PLRG1: variants seen among roughly 807,000 people sequenced by gnomAD.
PLRG1 encodes the protein pleiotropic regulator 1 (PRL1 homolog, Arabidopsis).
In PLRG1, 28 loss-of-function variants were observed where a neutral mutation model predicts 74.9. The ratio of observed to expected loss-of-function variants is 0.37; its 90% CI spans 0.28 to 0.51. The LOEUF (loss-of-function observed/expected upper bound fraction) is 0.51, where lower values mean the gene tolerates loss of function less well. Among genes scored for constraint, PLRG1 ranks in the 20% least tolerant of loss-of-function variants. The probability of loss-of-function intolerance (pLI) is 0.91; values close to 1 mark genes in which losing one functional copy is unlikely to be tolerated. For missense variants in PLRG1, 445 were observed against 631.9 expected (o/e 0.70, Z 3.17); for synonymous variants, 197 against 212.4 (o/e 0.93, Z 0.63).
In PLRG1 at chr4:154,537,491, A is replaced by C; in HGVS notation, c.1292-12T>G. 7.5e-6 allele frequency: 12 copies of C among 1,603,832 alleles called. No homozygotes were observed. Among genetic ancestry groups the C allele is most frequent in the Non-Finnish European group, 1.0e-5 (12 of 1,171,388 alleles). Reference sequence around the variant, plus strand: ...GGTGCCATTGTCAGCTTAAAGGGAAAAATCTAGTTACACCTGGTATCCCCT... The same window carrying C: ...GGTGCCATTGTCAGCTTAAAGGGAACAATCTAGTTACACCTGGTATCCCCT... On this transcript the variant is annotated splice_polypyrimidine_tract_variant and intron_variant, in intron 13 of 14. Transcript: ENST00000499023.
At chr4:154,542,547 G>T (rs1019250707) in intron 7 of PLRG1, among the ~76,000 whole-genome samples, 1 of 152,128 alleles carries the variant, frequency 6.6e-6, no homozygotes, top group African/African-American at 2.4e-5. Flanking sequence ...GTATTAAGCT[G>T]TGTGAAGGAA....
Position 154,540,712 on chromosome 4 carries a change from A to C in PLRG1, c.838-17T>G, listed in dbSNP as rs370304925. ...CCGTATAACCTAAAGACAAAGCAGGAAAGTTAAAACTTCTAGAATTAGAAA... is the reference window on the plus strand; with the variant it reads ...CCGTATAACCTAAAGACAAAGCAGGCAAGTTAAAACTTCTAGAATTAGAAA... On this transcript the variant is annotated splice_polypyrimidine_tract_variant and intron_variant, in intron 9 of 14. Coordinates refer to ENST00000499023, the MANE Select transcript of PLRG1 (RefSeq NM_002669.4). 17 of 1,610,832 alleles carry C rather than the reference A, an allele frequency of 1.1e-5. No homozygotes were observed. In the African/African-American group the frequency reaches 1.9e-4, roughly 18 times the overall value.
Position 154,536,659 on chromosome 4 carries a change from AAG to A in PLRG1, c.*24_*25del, listed in dbSNP as rs752054864. On this transcript the variant is annotated 3_prime_UTR_variant, in exon 15 of 15. Transcript: ENST00000499023. ...TTTTTTTTAATTAAAAAGAAAAAAA[AAG>A]AGAGAGAAAAAATTCCACATTCATT... The A allele has an allele frequency of 3.2e-6, 4 of 1,267,236 alleles. No homozygotes were observed. The highest frequency in any genetic ancestry group is 3.0e-5 in the African/African-American group (2 of 66,350). The allele number at this position is 1,267,236 out of a possible 1,614,324, so 78.5% of individuals were successfully genotyped here.
At chr4:154,537,012 C>T (rs772035904) in intron 14 of PLRG1, among the ~76,000 whole-genome samples, 2 of 151,946 alleles carry the variant, frequency 1.3e-5, no homozygotes, top group Non-Finnish European at 2.9e-5. Context: ...TTATGATTCT[C>T]GAATTAATTT....
intron 11 of PLRG1, among the ~76,000 whole-genome samples, 177 bp downstream of exon 11, chr4:154,539,772 TAA>T (rs1308914949): frequency 6.6e-6 from 1 of 152,082 alleles, no homozygotes; most frequent in Non-Finnish European, 1.5e-5. Flanking sequence ...AAGCATGAGG[TAA>T]AAACAGTGGA....
Position 154,550,184 on chromosome 4 carries a change from C to T in PLRG1, c.9+116G>A, listed in dbSNP as rs1241243280. ...AGACCACTCGGCCTTGGCCAAATAG[C>T]TCCCCTCGTAGCCTCTTTTCTCTCT... On this transcript the variant is annotated intron_variant, in intron 1 of 14. Coordinates refer to ENST00000499023, the MANE Select transcript of PLRG1 (RefSeq NM_002669.4). 4.0e-6 allele frequency: 4 copies of T among 989,588 alleles called. No individual in the cohort carries two copies. The African/African-American group carries it at 6.4e-5, about 16-fold the overall frequency. 61.3% of individuals were successfully genotyped at this position (989,588 alleles called of 1,614,324 possible). A position where few individuals can be genotyped will look rare whatever the true frequency, so the allele number is the denominator to read the frequency against.
chr4:154,537,978 C>T lies in PLRG1; in HGVS notation c.1282G>A (p.Val428Ile). 6.7e-7 allele frequency: 1 copy of T among 1,487,918 alleles called. No homozygotes were observed. The highest frequency in any genetic ancestry group is 9.1e-7 in the Non-Finnish European group (1 of 1,100,572). The allele number at this position is 1,487,918 out of a possible 1,614,324, so 92.2% of individuals were successfully genotyped here. A position where few individuals can be genotyped will look rare whatever the true frequency, so the allele number is the denominator to read the frequency against. ...AAAAATCTTATTTTACCTCCAGATA[C>T]AAGCACTCCATCAGAATTTACCGTC... ...TLTVNSDGVL[V>I]SGADNGTMHL... Residue 428 changes from valine to isoleucine, a missense_variant, in exon 13 of 15, where the codon GTA becomes ATA. Physicochemically the swap from Val to Ile is conservative, Grantham distance 29 (BLOSUM62 3). Around this residue, in one of 3 missense-constraint regions of PLRG1, gnomAD observed 221 missense variants for 377.7 expected, o/e 0.59. Coordinates refer to ENST00000499023, the MANE Select transcript of PLRG1 (RefSeq NM_002669.4).
chr4:154,539,374 TA>T (rs1193707548), intron 11 of PLRG1, among the ~76,000 whole-genome samples, 161 bp from the exon 12 acceptor site: 2 of 152,156 alleles, frequency 1.3e-5, no homozygotes, highest in African/African-American at 4.8e-5. Flanking sequence ...TCCAAATTTT[TA>T]GGTTGATTTT....
intron 1 of PLRG1, chr4:154,549,270 CAG>C: frequency 2.8e-6 from 1 of 362,386 alleles, no homozygotes; most frequent in South Asian, 2.1e-5. Flanking sequence ...CAAGAGGAAA[CAG>C]ACAAATAAAA....
chr4:154,538,402 T>G (rs1729493630), intron 12 of PLRG1, among the ~76,000 whole-genome samples: 2 of 151,902 alleles, frequency 1.3e-5, no homozygotes, highest in African/African-American at 4.8e-5. Flanking sequence ...CTATTTCACA[T>G]GAAGGGCAAT....
chr4:154,538,478 T>C (rs547128241), intron 12 of PLRG1, among the ~76,000 whole-genome samples: 13 of 150,608 alleles, frequency 8.6e-5, no homozygotes, highest in Non-Finnish European at 1.5e-4. Flanking sequence ...AGAAAAGGAA[T>C]AGAGGGCAAG....
In PLRG1 at chr4:154,536,522, GAC is replaced by G. The variant is rs1362551102; in HGVS notation, c.*161_*162del. On this transcript the variant is annotated 3_prime_UTR_variant, in exon 15 of 15. Coordinates refer to ENST00000499023, the MANE Select transcript of PLRG1 (RefSeq NM_002669.4). ...AAAAACACAGGGGTAGGGGACAGGG[GAC>G]AGTTTATTGTAAAATATGAAGCAGC... The G allele has an allele frequency of 1.6e-6, 1 of 617,116 alleles. No homozygotes were observed. Among genetic ancestry groups the G allele is most frequent in the Non-Finnish European group, 2.9e-6 (1 of 348,778 alleles). The allele number at this position is 617,116 out of a possible 1,614,324, so 38.2% of individuals were successfully genotyped here.
In PLRG1 at chr4:154,538,054, A is replaced by G. The variant is rs1471131794; in HGVS notation, c.1206T>C (p.Asp402=). ...PDNIKQWKFP[D]GSFIQNLSGH... ...CGGAAAGATTTTGAATGAAACTTCC[A>G]TCAGGGAATTTCCACTGCTTTATGT... is the stretch of plus-strand genomic sequence containing the variant. The change falls in exon 13 of 15, where the codon GAT becomes GAC. Residue 402 remains aspartate (D), a synonymous_variant. Coordinates refer to ENST00000499023, the MANE Select transcript of PLRG1 (RefSeq NM_002669.4). 1.6e-5 allele frequency: 24 copies of G among 1,524,202 alleles called. No individual in the cohort carries two copies. The highest frequency in any genetic ancestry group is 2.1e-5 in the Non-Finnish European group (23 of 1,110,446). The allele number at this position is 1,524,202 out of a possible 1,614,324, so 94.4% of individuals were successfully genotyped here.
chr4:154,548,576 T>C (rs760255667), intron 2 of PLRG1, among the ~76,000 whole-genome samples: 3 of 152,090 alleles, frequency 2.0e-5, no homozygotes, highest in Non-Finnish European at 4.4e-5. Flanking sequence ...AGTGATTGAT[T>C]ATAAAATAAA....
rs1009727555 is a variant in PLRG1 at position 154,547,700 on chromosome 4, A to G, written c.259+11T>C. On this transcript the variant is annotated intron_variant, in intron 3 of 14. Coordinates refer to ENST00000499023, the MANE Select transcript of PLRG1 (RefSeq NM_002669.4). ...ATATAAGTCTGACATTTCTGATAAT[A>G]CCATACTCACCTTGATTGGCAGGGT... 3.1e-6 allele frequency: 5 copies of G among 1,605,950 alleles called. No homozygotes were observed. The African/African-American group carries it at 5.4e-5, about 17-fold the overall frequency.
At chr4:154,543,751 C>T (rs1729597740) in intron 7 of PLRG1, among the ~76,000 whole-genome samples, 2 of 152,146 alleles carry the variant, frequency 1.3e-5, no homozygotes, top group East Asian at 3.8e-4. Context: ...AAGGCTCTTA[C>T]TGTACAATCA....
Position 154,540,949 on chromosome 4 carries a change from T to C in PLRG1, c.688-15A>G, listed in dbSNP as rs1414971936. Reference sequence around the variant, plus strand: ...AAGTCCCAGATCTGCAATCAAAGAATATTTATTTTTTTCTTTCACTGGTTA... The same window carrying C: ...AAGTCCCAGATCTGCAATCAAAGAACATTTATTTTTTTCTTTCACTGGTTA... On this transcript the variant is annotated splice_polypyrimidine_tract_variant and intron_variant, in intron 8 of 14. Transcript: ENST00000499023. 5.7e-6 allele frequency: 9 copies of C among 1,566,318 alleles called. No homozygotes were observed. The highest frequency in any genetic ancestry group is 1.4e-5 in the African/African-American group (1 of 72,674).
At chr4:154,545,245 C>A (rs139107092) in intron 6 of PLRG1, among the ~76,000 whole-genome samples, 91 of 152,276 alleles carry the variant, frequency 6.0e-4, no homozygotes, top group Admixed American at 1.2e-3. Flanking sequence ...TCATTCACTT[C>A]ATAAAGTCAA....
At chr4:154,550,265 A>C in intron 1 of PLRG1, 35 bp downstream of exon 1, 2 of 1,600,450 alleles carry the variant, frequency 1.2e-6, no homozygotes, top group South Asian at 2.2e-5. Context: ...CAGTCCAGAG[A>C]CAAACGACTC....
Sources: allele counts gnomAD v4.1 joint callset (sites outside exome capture counted in the v4.1 genomes callset), GRCh38; gene constraint gnomAD v4.1.1; regional missense constraint gnomAD v4.1.1; transcripts MANE v1.5; gene names NCBI Gene and HGNC (gene_info 2026-07-23, HGNC 2026-07-21).